Variants in ANO10 observed in about 807,000 individuals in gnomAD.
The protein encoded by ANO10 is anoctamin 10, also known as anoctamin-10.
In ANO10, 77 loss-of-function variants were observed where a neutral mutation model predicts 74.7. That is an observed-to-expected ratio of 1.03 (90% CI 0.86 to 1.25). ANO10 has a LOEUF of 1.25. ANO10 is among the 50% of genes most tolerant of loss of function. The pLI is 0.00. For synonymous variants in ANO10, 279 were observed against 284.9 expected (o/e 0.98, Z 0.21); for missense variants, 721 against 778.1 (o/e 0.93, Z 0.87).
intron 1 of ANO10, among the ~76,000 whole-genome samples, chr3:43,665,181 A>G (rs2083974693): frequency 6.6e-6 from 1 of 152,258 alleles, no homozygotes; most frequent in South Asian, 2.1e-4. Flanking sequence ...TACACCATGG[A>G]ATACTATGCA....
intron 1 of ANO10, among the ~76,000 whole-genome samples, chr3:43,627,130 T>C (rs1308982334): frequency 6.6e-6 from 1 of 152,250 alleles, no homozygotes; most frequent in African/African-American, 2.4e-5. Context: ...CCATCCACCA[T>C]TGTCTTCAAA....
intron 12 of ANO10, among the ~76,000 whole-genome samples, chr3:43,416,814 T>C (rs951387244): frequency 6.6e-6 from 1 of 152,216 alleles, no homozygotes; most frequent in Non-Finnish European, 1.5e-5. Flanking sequence ...TTAGAGATTA[T>C]TGTCAATCAT....
intron 5 of ANO10, among the ~76,000 whole-genome samples, chr3:43,577,530 T>C (rs2149404799): frequency 6.6e-6 from 1 of 152,274 alleles, no homozygotes; most frequent in East Asian, 1.9e-4. Flanking sequence ...CCTCACCTGA[T>C]GGATACCTTC....
At chr3:43,650,428 T>C (rs546851022) in intron 1 of ANO10, among the ~76,000 whole-genome samples, 15 of 152,136 alleles carry the variant, frequency 9.9e-5, no homozygotes, top group African/African-American at 3.1e-4. Context: ...ATCAAGGATA[T>C]CAAGTCTGGT....
chr3:43,500,906 C>A (rs906955315), intron 11 of ANO10, among the ~76,000 whole-genome samples: 2 of 151,850 alleles, frequency 1.3e-5, no homozygotes, highest in African/African-American at 4.8e-5. Flanking sequence ...ACAACAACAA[C>A]AAAAACGGAA....
chr3:43,589,906 G>A (rs1330906206), intron 4 of ANO10, among the ~76,000 whole-genome samples: 4 of 152,060 alleles, frequency 2.6e-5, no homozygotes, highest in Non-Finnish European at 4.4e-5. Flanking sequence ...GGTCCAAAAT[G>A]GTATGCACAA....
At chr3:43,688,280 T>G (rs559334435) in intron 1 of ANO10, among the ~76,000 whole-genome samples, 1 of 152,212 alleles carries the variant, frequency 6.6e-6, no homozygotes, top group Non-Finnish European at 1.5e-5. Context: ...GTTTCATTAC[T>G]GGACTCAGTA....
At chr3:43,467,752 G>A (rs921638920) in intron 11 of ANO10, among the ~76,000 whole-genome samples, 2 of 152,206 alleles carry the variant, frequency 1.3e-5, no homozygotes, top group Non-Finnish European at 2.9e-5. Context: ...TATACTTCAA[G>A]AAAGCTGATG....
At chr3:43,547,367 A>G (rs748876510) in intron 11 of ANO10, among the ~76,000 whole-genome samples, 1 of 152,214 alleles carries the variant, frequency 6.6e-6, no homozygotes, top group African/African-American at 2.4e-5. Context: ...ACAAACTATT[A>G]TAGATGGCTT....
intron 11 of ANO10, among the ~76,000 whole-genome samples, chr3:43,527,213 G>T (rs1375230701): frequency 6.6e-6 from 1 of 151,942 alleles, no homozygotes; most frequent in African/African-American, 2.4e-5. Context: ...ATTTCAAAAT[G>T]CCCCTTATCC....
chr3:43,555,642 C>T (rs148784241), intron 9 of ANO10, among the ~76,000 whole-genome samples, 173 bp from the exon 10 acceptor site: 1 of 152,216 alleles, frequency 6.6e-6, no homozygotes, highest in African/African-American at 2.4e-5. Flanking sequence ...GATCATCCCA[C>T]ACACATGCAA....
intron 11 of ANO10, among the ~76,000 whole-genome samples, chr3:43,470,583 G>A (rs990471060): frequency 6.9e-5 from 10 of 144,766 alleles, no homozygotes; most frequent in African/African-American, 1.8e-4. Flanking sequence ...TGCCTGCCTC[G>A]GCCTGGTAAT....
intron 1 of ANO10, among the ~76,000 whole-genome samples, chr3:43,646,264 A>C (rs984030613): frequency 6.6e-6 from 1 of 152,210 alleles, no homozygotes; most frequent in Non-Finnish European, 1.5e-5. Context: ...AAAAGATTCG[A>C]GGAGTTCTAA....
intron 1 of ANO10, among the ~76,000 whole-genome samples, chr3:43,610,761 G>T (rs2082777700): frequency 6.6e-6 from 1 of 152,160 alleles, no homozygotes; most frequent in African/African-American, 2.4e-5. Flanking sequence ...AGACTTCAAT[G>T]AACTCTAGAA....
At chr3:43,467,037 A>T (rs1156868004) in intron 11 of ANO10, among the ~76,000 whole-genome samples, 2 of 152,324 alleles carry the variant, frequency 1.3e-5, no homozygotes, top group Non-Finnish European at 2.9e-5. Context: ...CTAAAATCAC[A>T]ATGAAATATC....
intron 7 of ANO10, among the ~76,000 whole-genome samples, chr3:43,574,273 T>TC (rs1472302952): frequency 7.3e-6 from 1 of 137,134 alleles, no homozygotes; most frequent in Admixed American, 7.3e-5. Context: ...TTCCTTTCTT[T>TC]CTTTTTTTTT....
rs2092371647 is a variant in ANO10 at position 43,396,017 on chromosome 3, TAGAC to T, written c.1915-29047_1915-29044del. On this transcript the variant is annotated intron_variant, in intron 12 of 12. Transcript: ENST00000292246. ...TGCAGATGATCATGTCATTTGTGAG[TAGAC>T]AGTTTTTTACTTCTTCCTTTCTATT... Among the ~76,000 whole-genome samples the T allele has an allele frequency of 2.6e-5, 4 of 152,262 alleles. No homozygotes were observed. In the South Asian group the frequency reaches 8.3e-4, roughly 32 times the overall value.
intron 11 of ANO10, among the ~76,000 whole-genome samples, chr3:43,538,944 G>A (rs543225700): frequency 2.6e-5 from 4 of 152,296 alleles, no homozygotes; most frequent in African/African-American, 7.2e-5. Flanking sequence ...TAGAATTTAT[G>A]TTAGTGAATG....
chr3:43,478,860 T>G (rs1427625366), intron 11 of ANO10, among the ~76,000 whole-genome samples: 9 of 152,226 alleles, frequency 5.9e-5, no homozygotes, highest in Admixed American at 5.9e-4. Flanking sequence ...GACTTCCAAA[T>G]TGTCTCCATT....
Sources: allele counts gnomAD v4.1 joint callset (sites outside exome capture counted in the v4.1 genomes callset), GRCh38; gene constraint gnomAD v4.1.1; transcripts MANE v1.5; gene names NCBI Gene and HGNC (gene_info 2026-07-23, HGNC 2026-07-21).